The following CPHXL variants were observed in gnomAD, a reference collection of about 807,000 sequenced individuals.
CPHXL encodes cytoplasmic polyadenylated homeobox like.
intron 1 of CPHXL, among the ~76,000 whole-genome samples, chr16:75,721,532 C>G (rs144350452): frequency 0.063 from 9,563 of 152,228 alleles, 448 homozygotes; most frequent in African/African-American, 0.12. Flanking sequence ...GCAAAGGGAT[C>G]AATTCAACAA....
Position 75,714,789 on chromosome 16 carries a change from G to A in CPHXL, c.653C>T (p.Pro218Leu), listed in dbSNP as rs1482540622. ...ACCTCCATACCCCATAGCACAGCCT[G>A]GATGCTTTTCAGTGCCTGTGACCAG... ...SYLVTGTEKH[P>L]GCAMGYGGDT... The change falls in exon 3 of 3, where the codon CCA becomes CTA. Residue 218 changes from proline (P) to leucine (L), a missense_variant. By Grantham distance (98) the Pro-to-Leu change is moderately conservative (BLOSUM62 -3). Transcript: ENST00000640559. The A allele has an allele frequency of 2.5e-6, 1 of 398,544 alleles. No homozygotes were observed. Among genetic ancestry groups the A allele is most frequent in the African/African-American group, 2.1e-5 (1 of 48,628 alleles). The allele number at this position is 398,544 out of a possible 1,614,324, so 24.7% of individuals were successfully genotyped here. A position where few individuals can be genotyped will look rare whatever the true frequency, so the allele number is the denominator to read the frequency against.
chr16:75,725,711 C>T (rs867451926), intron 1 of CPHXL, among the ~76,000 whole-genome samples: 109 of 142,958 alleles, frequency 7.6e-4, no homozygotes, highest in African/African-American at 2.5e-3. Context: ...CTCGGCCTCA[C>T]AAAGTGCTGG....
intron 1 of CPHXL, among the ~76,000 whole-genome samples, chr16:75,722,510 A>C (rs1959492381): frequency 6.6e-6 from 1 of 152,208 alleles, no homozygotes; most frequent in Non-Finnish European, 1.5e-5. Context: ...ATCTAGAAGA[A>C]ATGGATAAAT....
At chr16:75,715,862 T>C (rs77912297) in intron 2 of CPHXL, among the ~76,000 whole-genome samples, 1 of 133,442 alleles carries the variant, frequency 7.5e-6, no homozygotes, top group African/African-American at 3.1e-5. Context: ...GCCCGGCTAA[T>C]TTTTTTTGTA....
chr16:75,722,463 G>A (rs1212464840), intron 1 of CPHXL, among the ~76,000 whole-genome samples: 1 of 152,114 alleles, frequency 6.6e-6, no homozygotes, highest in African/African-American at 2.4e-5. Flanking sequence ...TACCATCAGA[G>A]AATACTATAA....
intron 1 of CPHXL, among the ~76,000 whole-genome samples, chr16:75,723,533 T>C (rs113385703): frequency 1.6e-4 from 24 of 151,994 alleles, no homozygotes; most frequent in East Asian, 7.7e-4. Context: ...ACCTAGGAAT[T>C]CAACTTACAA....
intron 1 of CPHXL, among the ~76,000 whole-genome samples, chr16:75,723,345 G>T (rs1959505001): frequency 6.6e-6 from 1 of 152,130 alleles, no homozygotes; most frequent in Non-Finnish European, 1.5e-5. Flanking sequence ...TGTATATCTA[G>T]AAAACCCCAT....
rs1396860912 is a variant in CPHXL, at chr16:75,714,921, G to C, written c.521C>G (p.Ser174Cys). 1 of 398,514 alleles carries C rather than the reference G, an allele frequency of 2.5e-6. No individual in the cohort carries two copies. The highest frequency in any genetic ancestry group is 2.1e-5 in the African/African-American group (1 of 48,638). 24.7% of individuals were successfully genotyped at this position (398,514 alleles called of 1,614,324 possible). The change falls in exon 3 of 3, where the codon TCT becomes TGT. Residue 174 changes from serine (S) to cysteine (C), a missense_variant. By Grantham distance (112) the Ser-to-Cys change is moderately radical. Transcript: ENST00000640559. ...GGGAATCCCTGGTTTCTCCAGATAA[G>C]AGCACTGGGGGCCCACCTGTTGACT... ...TPSQQVGPQCSYLEKPGIPSQ... is the reference protein window; with the variant it reads ...TPSQQVGPQCCYLEKPGIPSQ...
intron 2 of CPHXL, among the ~76,000 whole-genome samples, chr16:75,717,150 A>C (rs146119053): frequency 0.018 from 2,759 of 152,272 alleles, 43 homozygotes; most frequent in Middle Eastern, 0.024. Context: ...TCTCATTAGT[A>C]CCATCCACCT....
chr16:75,721,301 C>A (rs1405463388), intron 1 of CPHXL, among the ~76,000 whole-genome samples: 1 of 152,122 alleles, frequency 6.6e-6, no homozygotes, highest in Non-Finnish European at 1.5e-5. Context: ...AAAAGACACA[C>A]ACTGGCAAAT....
At chr16:75,718,649 T>C (rs1294764989) in intron 1 of CPHXL, among the ~76,000 whole-genome samples, 191 bp from the exon 2 acceptor site, 1 of 152,204 alleles carries the variant, frequency 6.6e-6, no homozygotes, top group Non-Finnish European at 1.5e-5. Flanking sequence ...TCTAGGCCTA[T>C]GGGCCAGATC....
intron 1 of CPHXL, among the ~76,000 whole-genome samples, chr16:75,723,226 A>G (rs1959503503): frequency 6.6e-6 from 1 of 152,210 alleles, no homozygotes; most frequent in South Asian, 2.1e-4. Flanking sequence ...CTCCTATTCA[A>G]TGTAGTGTTG....
intron 1 of CPHXL, among the ~76,000 whole-genome samples, chr16:75,725,472 A>C (rs1449010996): frequency 7.6e-6 from 1 of 131,720 alleles, no homozygotes; most frequent in East Asian, 2.3e-4. Context: ...TTTTTTTTTG[A>C]GACGGACTCT....
intron 1 of CPHXL, among the ~76,000 whole-genome samples, chr16:75,720,512 G>T (rs1486024906): frequency 6.6e-6 from 1 of 152,160 alleles, no homozygotes; most frequent in Non-Finnish European, 1.5e-5. Context: ...AGTGATGGAA[G>T]ATCAAAGGAA....
At chr16:75,726,244 A>C (rs1202820168) in intron 1 of CPHXL, among the ~76,000 whole-genome samples, 174 bp downstream of exon 1, 1 of 152,164 alleles carries the variant, frequency 6.6e-6, no homozygotes, top group African/African-American at 2.4e-5. Flanking sequence ...TTACATTTGA[A>C]ATTCAAGAGT....
chr16:75,721,906 C>G (rs995912752), intron 1 of CPHXL, among the ~76,000 whole-genome samples: 7 of 152,230 alleles, frequency 4.6e-5, no homozygotes, highest in African/African-American at 1.7e-4. Context: ...CAAACTGTCT[C>G]TCAGACCACA....
chr16:75,718,142 T>G, intron 2 of CPHXL, 123 bp downstream of exon 2: 1 of 390,722 alleles, frequency 2.6e-6, no homozygotes, highest in African/African-American at 2.1e-5. Flanking sequence ...CACCTGAGCC[T>G]GGAAAATGGA....
At position 75,717,436 on chromosome 16, in the gene CPHXL, T is replaced by C. The variant is rs544757078; in HGVS notation, c.219+829A>G. ...TGAGGATGTCTCAGGCCCTCATATA[T>C]ATAAAACGGTGTAGTATTTGCATAT... On this transcript the variant is annotated intron_variant, in intron 2 of 2. Coordinates refer to ENST00000640559, the MANE Select transcript of CPHXL (RefSeq NM_001355613.1). Among the ~76,000 whole-genome samples the C allele has an allele frequency of 7.2e-5, 11 of 152,354 alleles. No individual in the cohort carries two copies. The East Asian group carries it at 1.9e-3, about 27-fold the overall frequency.
At chr16:75,720,627 T>C (rs970585732) in intron 1 of CPHXL, among the ~76,000 whole-genome samples, 8 of 152,216 alleles carry the variant, frequency 5.3e-5, no homozygotes, top group Admixed American at 1.3e-4. Context: ...CTACGTCTGA[T>C]TGGTGGACCT....
Sources: allele counts gnomAD v4.1 joint callset (sites outside exome capture counted in the v4.1 genomes callset), GRCh38; gene constraint gnomAD v4.1.1; transcripts MANE v1.5; gene names NCBI Gene and HGNC (gene_info 2026-07-23, HGNC 2026-07-21).